The following ETV1 variants were observed in gnomAD, a reference collection of about 807,000 sequenced individuals.
The protein encoded by ETV1 is ETS translocation variant 1.
A neutral mutation model predicts 62.3 loss-of-function variants in ETV1; 27 were observed. The observed-to-expected ratio is 0.43, with a 90% CI of 0.32 to 0.60. The LOEUF (loss-of-function observed/expected upper bound fraction) is 0.60. ETV1 is among the 20% of genes least tolerant of loss of function. The pLI, the probability that ETV1 is intolerant of heterozygous loss-of-function variation, is 0.06. For synonymous variants in ETV1, 222 were observed against 199.6 expected (o/e 1.11, Z -0.94); for missense variants, 605 against 605.8 (o/e 1.00, Z 0.01).
intron 6 of ETV1, among the ~76,000 whole-genome samples, chr7:13,970,263 AACACACACAC>A (rs71033966): frequency 0.01 from 1,323 of 126,492 alleles, 24 homozygotes; most frequent in African/African-American, 0.027. Context: ...CCCATCTCAA[AACACACACAC>A]ACACACACAC....
At chr7:13,975,595 A>G (rs995779268) in intron 6 of ETV1, among the ~76,000 whole-genome samples, 3 of 150,044 alleles carry the variant, frequency 2.0e-5, no homozygotes, top group African/African-American at 4.9e-5. Context: ...GAAAAGAAAA[A>G]AAAAAAGGAA....
chr7:13,961,553 T>C (rs2128483388), intron 6 of ETV1, among the ~76,000 whole-genome samples: 1 of 152,348 alleles, frequency 6.6e-6, no homozygotes, highest in East Asian at 1.9e-4. Context: ...TTATTATTGC[T>C]TTACATTGTA....
intron 6 of ETV1, among the ~76,000 whole-genome samples, chr7:13,962,034 G>T (rs1251839420): frequency 6.6e-6 from 1 of 151,952 alleles, no homozygotes; most frequent in Admixed American, 6.6e-5. Context: ...AGAAATGAAT[G>T]CACGTGTGAT....
At chr7:13,902,710 T>A (rs1457901382) in intron 12 of ETV1, among the ~76,000 whole-genome samples, 2 of 152,158 alleles carry the variant, frequency 1.3e-5, no homozygotes, top group Non-Finnish European at 2.9e-5. Context: ...CTTATTCATT[T>A]ATAAAGGATT....
intron 6 of ETV1, among the ~76,000 whole-genome samples, chr7:13,954,743 G>A (rs906705594): frequency 2.0e-5 from 3 of 152,164 alleles, no homozygotes; most frequent in Non-Finnish European, 2.9e-5. Flanking sequence ...TACACCTGCA[G>A]CATTCTGATG....
At chr7:13,930,609 C>T (rs1046902347) in intron 9 of ETV1, among the ~76,000 whole-genome samples, 1 of 152,014 alleles carries the variant, frequency 6.6e-6, no homozygotes, top group African/African-American at 2.4e-5. Context: ...GCGTGAGCCA[C>T]CAGACTGGAA....
chr7:13,978,334 G>A (rs73278744), intron 5 of ETV1, among the ~76,000 whole-genome samples: 2,767 of 151,946 alleles, frequency 0.018, 81 homozygotes, highest in African/African-American at 0.063. Flanking sequence ...TTTAGACATC[G>A]AAGTAACCTA....
chr7:13,906,502 A>G lies in ETV1; in HGVS notation c.1038T>C (p.Asp346=). The change falls in exon 12 of 14, where the codon GAT becomes GAC. Residue 346 remains aspartate (D), a synonymous_variant. Coordinates refer to ENST00000430479, the MANE Select transcript of ETV1 (RefSeq NM_004956.5). Reference sequence around the variant, plus strand: ...CAATAAAATGAGAATTTGAAGGGTCATCCAGAAGAGCTACCAAAAACTGCC... The same window carrying G: ...CAATAAAATGAGAATTTGAAGGGTCGTCCAGAAGAGCTACCAAAAACTGCC... ...QLWQFLVALL[D]DPSNSHFIAW... The G allele has an allele frequency of 6.2e-7, 1 of 1,611,482 alleles. No homozygotes were observed. Among genetic ancestry groups the G allele is most frequent in the South Asian group, 1.1e-5 (1 of 90,312 alleles).
At chr7:13,940,720 A>G (rs952922282) in intron 6 of ETV1, among the ~76,000 whole-genome samples, 1 of 152,320 alleles carries the variant, frequency 6.6e-6, no homozygotes, top group Non-Finnish European at 1.5e-5. Context: ...TTGTCATTCA[A>G]TCTTAATGAC....
chr7:13,911,128 C>A, intron 10 of ETV1, 111 bp downstream of exon 10: 2 of 733,098 alleles, frequency 2.7e-6, no homozygotes, highest in Non-Finnish European at 4.7e-6. Context: ...GCTTAGGGAA[C>A]ATAAATGATT....
chr7:13,952,763 G>C (rs1192362062), intron 6 of ETV1, among the ~76,000 whole-genome samples: 1 of 152,184 alleles, frequency 6.6e-6, no homozygotes, highest in Non-Finnish European at 1.5e-5. Flanking sequence ...AGGTAGAACT[G>C]AAAGACAAAG....
At chr7:13,989,219 C>A (rs762404869) in intron 2 of ETV1, 49 bp downstream of exon 2, 12 of 591,294 alleles carry the variant, frequency 2.0e-5, no homozygotes, top group Non-Finnish European at 3.2e-5. Flanking sequence ...TAATTACCCT[C>A]CGACAGTCCC....
chr7:13,967,377 T>C (rs1035964464), intron 6 of ETV1, among the ~76,000 whole-genome samples: 10 of 152,122 alleles, frequency 6.6e-5, no homozygotes, highest in Admixed American at 2.6e-4. Context: ...ACTCTAGATT[T>C]ACAAAAGATT....
At chr7:13,932,753 A>G (rs992841254) in intron 8 of ETV1, among the ~76,000 whole-genome samples, 12 of 152,222 alleles carry the variant, frequency 7.9e-5, no homozygotes, top group African/African-American at 2.7e-4. Context: ...AAAATAACCT[A>G]TAAAACATTT....
At chr7:13,932,628 T>A (rs1252469832) in intron 8 of ETV1, among the ~76,000 whole-genome samples, 1 of 152,222 alleles carries the variant, frequency 6.6e-6, no homozygotes, top group African/African-American at 2.4e-5. Flanking sequence ...AACAATTGGC[T>A]AATCACATAA....
At chr7:13,983,621 C>CTTTTTTTTTT (rs34955846) in intron 5 of ETV1, among the ~76,000 whole-genome samples, 1 of 144,828 alleles carries the variant, frequency 6.9e-6, no homozygotes. Flanking sequence ...TATTCCCTGA[C>CTTTTTTTTTT]TTTTTTTTTT....
intron 6 of ETV1, among the ~76,000 whole-genome samples, chr7:13,953,568 G>A (rs1461216225): frequency 6.6e-6 from 1 of 152,028 alleles, no homozygotes; most frequent in South Asian, 2.1e-4. Context: ...GAAGTACTGA[G>A]GAATGCTACG....
chr7:13,912,673 A>T (rs764207303), intron 9 of ETV1, among the ~76,000 whole-genome samples: 11 of 152,178 alleles, frequency 7.2e-5, no homozygotes, highest in Admixed American at 2.6e-4. Flanking sequence ...AGTGTAAATA[A>T]AATTAACATC....
intron 2 of ETV1, 29 bp downstream of exon 2, chr7:13,989,239 A>G: frequency 5.1e-6 from 3 of 586,920 alleles, no homozygotes; most frequent in Non-Finnish European, 9.0e-6. Context: ...CATTCACAAA[A>G]ATAACCCTCC....
Sources: allele counts gnomAD v4.1 joint callset (sites outside exome capture counted in the v4.1 genomes callset), GRCh38; gene constraint gnomAD v4.1.1; transcripts MANE v1.5; gene names NCBI Gene and HGNC (gene_info 2026-07-23, HGNC 2026-07-21).